RBFOX2: variants seen among roughly 807,000 people sequenced by gnomAD.
RBFOX2 encodes RNA binding fox-1 homolog 2.
A neutral mutation model predicts 49.1 loss-of-function variants in RBFOX2; 10 were observed. That is an observed-to-expected ratio of 0.20 (90% CI 0.13 to 0.35). The LOEUF is 0.35. Among genes scored for constraint, RBFOX2 ranks in the 10% least tolerant of loss-of-function variants. The pLI is 1.00. For synonymous variants in RBFOX2, 183 were observed against 187.4 expected (o/e 0.98, Z 0.19); for missense variants, 323 against 486.9 (o/e 0.66, Z 3.17).
chr22:36,006,917 C>T (rs1397201861), intron 1 of RBFOX2, among the ~76,000 whole-genome samples: 8 of 152,160 alleles, frequency 5.3e-5, no homozygotes, highest in South Asian at 4.1e-4. Flanking sequence ...CTATCCACCA[C>T]CAAGTTAGGT....
intron 4 of RBFOX2, among the ~76,000 whole-genome samples, chr22:35,775,860 A>AAAGAAC (rs1555896239): frequency 6.7e-6 from 1 of 149,130 alleles, no homozygotes; most frequent in African/African-American, 2.5e-5. Context: ...AAAAAAAAAA[A>AAAGAAC]AGAAAAGAAA....
intron 1 of RBFOX2, among the ~76,000 whole-genome samples, chr22:35,976,837 G>A (rs952122622): frequency 1.3e-4 from 20 of 152,046 alleles, no homozygotes; most frequent in Non-Finnish European, 7.4e-5. Context: ...AGTGGCGTGT[G>A]CCTGTAATCC....
At chr22:35,853,698 T>A (rs938855698) in intron 1 of RBFOX2, among the ~76,000 whole-genome samples, 3 of 144,434 alleles carry the variant, frequency 2.1e-5, no homozygotes, top group Non-Finnish European at 4.5e-5. Context: ...TGTGTGTGTG[T>A]GTGTGTAGCC....
chr22:35,739,041 G>A (rs1001832784), exon 12 of RBFOX2: 2 of 152,806 alleles, frequency 1.3e-5, no homozygotes, highest in Non-Finnish European at 2.9e-5. Context: ...GCCCTGGGAT[G>A]CTTCTCTGGA....
At chr22:35,891,625 C>A (rs887040686) in intron 1 of RBFOX2, among the ~76,000 whole-genome samples, 4 of 152,138 alleles carry the variant, frequency 2.6e-5, no homozygotes, top group African/African-American at 9.7e-5. Context: ...GGGCCTGGTG[C>A]CTGTCCAGCT....
chr22:35,962,235 A>G (rs1322108259), upstream of RBFOX2, among the ~76,000 whole-genome samples: 3 of 152,240 alleles, frequency 2.0e-5, no homozygotes, highest in Non-Finnish European at 4.4e-5. Context: ...TCATAGGAAG[A>G]ATAAATGGGG....
rs750647114 is a variant in RBFOX2, at chr22:35,746,450, C to T, written c.976+23G>A. 3.3e-6 allele frequency: 5 copies of T among 1,534,430 alleles called. No homozygotes were observed. The East Asian group carries it at 1.1e-4, about 35-fold the overall frequency. On this transcript the variant is annotated intron_variant, in intron 10 of 11. Coordinates refer to ENST00000405409, the Ensembl canonical transcript of RBFOX2. ...GGAACAGCTCTCATGCATCCCAAAG[C>T]TCACCACTGTCTCTGTACATACCCG...
chr22:35,874,238 G>A (rs554108004), intron 1 of RBFOX2, among the ~76,000 whole-genome samples: 36 of 152,120 alleles, frequency 2.4e-4, no homozygotes, highest in African/African-American at 8.0e-4. Flanking sequence ...AATCAAACAC[G>A]CAACAAAGGT....
At chr22:35,769,745 A>T (rs1047041337) in intron 4 of RBFOX2, among the ~76,000 whole-genome samples, 2 of 152,150 alleles carry the variant, frequency 1.3e-5, no homozygotes, top group African/African-American at 4.8e-5. Context: ...TATATAAAAC[A>T]TGTTCTTAAC....
rs570793651 is a variant in RBFOX2, at chr22:35,768,202, C to T, written c.546+55G>A. 4.7e-5 allele frequency: 74 copies of T among 1,575,752 alleles called. No individual in the cohort carries two copies. In the African/African-American group the frequency reaches 5.5e-4, roughly 12 times the overall value. On this transcript the variant is annotated intron_variant, in intron 5 of 11. Coordinates refer to ENST00000405409, the Ensembl canonical transcript of RBFOX2. ...CAAATGTGAACTAAGTGAGGCAACACGAAAAAAGAGAAATAAAAATATAAA... is the reference window on the plus strand; with the variant it reads ...CAAATGTGAACTAAGTGAGGCAACATGAAAAAAGAGAAATAAAAATATAAA...
At chr22:35,981,509 G>C (rs1409830423) in intron 1 of RBFOX2, among the ~76,000 whole-genome samples, 1 of 151,966 alleles carries the variant, frequency 6.6e-6, no homozygotes, top group Non-Finnish European at 1.5e-5. Context: ...AGGTGTGGTG[G>C]TGCCCGCCTG....
At chr22:35,846,197 TTACA>T (rs1367278378) in intron 1 of RBFOX2, among the ~76,000 whole-genome samples, 3 of 149,700 alleles carry the variant, frequency 2.0e-5, no homozygotes, top group Non-Finnish European at 4.4e-5. Context: ...GTTAATATAA[TTACA>T]TAAACTATAT....
At chr22:35,998,145 A>G (rs997918596) in intron 1 of RBFOX2, 2 of 152,230 alleles carry the variant, frequency 1.3e-5, no homozygotes. Flanking sequence ...CTAGAATTTT[A>G]TACTAAATTC....
At chr22:35,817,983 CA>C (rs1953541231) in intron 1 of RBFOX2, among the ~76,000 whole-genome samples, 5 of 151,634 alleles carry the variant, frequency 3.3e-5, no homozygotes, top group East Asian at 3.9e-4. Context: ...CACACACACA[CA>C]CCCCTCTTCT....
intron 1 of RBFOX2, among the ~76,000 whole-genome samples, chr22:35,958,536 C>CT (rs930110128): frequency 1.5e-4 from 23 of 152,180 alleles, no homozygotes; most frequent in African/African-American, 5.6e-4. Flanking sequence ...CAACTGCCAA[C>CT]TCTCTGACCT....
At chr22:35,894,918 T>C (rs1235408065) in intron 1 of RBFOX2, among the ~76,000 whole-genome samples, 4 of 148,572 alleles carry the variant, frequency 2.7e-5, no homozygotes, top group Admixed American at 6.7e-5. Context: ...ATGCCAAAAC[T>C]GGGGGGCAAG....
intron 1 of RBFOX2, among the ~76,000 whole-genome samples, chr22:36,023,111 C>T (rs2059306857): frequency 6.6e-6 from 1 of 151,976 alleles, no homozygotes; most frequent in South Asian, 2.1e-4. Flanking sequence ...TGAATGGTAG[C>T]ACCATGCTTA....
intron 2 of RBFOX2, among the ~76,000 whole-genome samples, chr22:35,791,946 G>C (rs1947757808): frequency 6.6e-6 from 1 of 152,146 alleles, no homozygotes; most frequent in Non-Finnish European, 1.5e-5. Context: ...GCCTATCAAA[G>C]GTCAGTAGAT....
chr22:35,885,788 CACAATGAAG>C (rs1242077181), intron 1 of RBFOX2, among the ~76,000 whole-genome samples: 1 of 147,466 alleles, frequency 6.8e-6, no homozygotes. Flanking sequence ...CAAGTTAATA[CACAATGAAG>C]ACAGTACAGA....
Sources: allele counts gnomAD v4.1 joint callset (sites outside exome capture counted in the v4.1 genomes callset), GRCh38; gene constraint gnomAD v4.1.1; transcripts MANE v1.5; gene names NCBI Gene and HGNC (gene_info 2026-07-23, HGNC 2026-07-21).